Variants in TNN observed in about 807,000 individuals in gnomAD.
TNN encodes tenascin-N.
TNN carries 122 observed loss-of-function variants against 134.4 expected under a neutral mutation model. The ratio of observed to expected loss-of-function variants is 0.91; its 90% confidence interval spans 0.78 to 1.06. TNN has a LOEUF of 1.06. Ranked by LOEUF, TNN falls within the 50% of genes least tolerant of loss-of-function variation. The pLI is 0.00. For missense variants in TNN, 1,739 were observed against 1,699.4 expected (o/e 1.02, Z -0.41); for synonymous variants, 710 against 670.3 (o/e 1.06, Z -0.91).
intron 6 of TNN, among the ~76,000 whole-genome samples, chr1:175,091,086 A>G (rs1674434499): frequency 6.6e-6 from 1 of 152,256 alleles, no homozygotes; most frequent in African/African-American, 2.4e-5. Context: ...AAGAGGTTTC[A>G]GTCCTGCAAA....
chr1:175,102,683 C>T (rs1674758335), intron 9 of TNN, among the ~76,000 whole-genome samples: 1 of 146,010 alleles, frequency 6.8e-6, no homozygotes, highest in Non-Finnish European at 1.5e-5. Flanking sequence ...CGCGCCTCTC[C>T]CTCCACACCT....
chr1:175,106,606 G>A (rs531113455), intron 9 of TNN, among the ~76,000 whole-genome samples: 14 of 146,440 alleles, frequency 9.6e-5, no homozygotes, highest in African/African-American at 2.5e-4. Flanking sequence ...GAAGAGAGGC[G>A]AGAGGAAGTT....
chr1:175,117,230 T>C, intron 10 of TNN, 25 bp downstream of exon 10: 1 of 1,606,664 alleles, frequency 6.2e-7, no homozygotes, highest in Non-Finnish European at 8.5e-7. Context: ...TCTTTGGGAA[T>C]ATAAGAGCTT....
chr1:175,135,850 C>G lies in TNN; in HGVS notation c.3336C>G (p.Phe1112Leu). 2 of 1,613,498 alleles carry G rather than the reference C, an allele frequency of 1.2e-6. No individual in the cohort carries two copies. The highest frequency in any genetic ancestry group is 1.7e-6 in the Non-Finnish European group (2 of 1,179,508). Residue 1112 changes from phenylalanine (F) to leucine (L), a missense_variant, in exon 16 of 19, where the codon TTC becomes TTG. Phe to Leu is a conservative substitution (Grantham distance 22). Transcript: ENST00000239462. ...METDGGGWIV[F>L]QRRNTGQLDF... ...GTATTCATCTTCCTTCTCAGGTCTT[C>G]CAGAGGCGGAACACTGGGCAGCTGG...
chr1:175,132,796 T>C (rs1675708284), intron 15 of TNN, among the ~76,000 whole-genome samples: 1 of 152,216 alleles, frequency 6.6e-6, no homozygotes, highest in Non-Finnish European at 1.5e-5. Flanking sequence ...GGTGCCCCAC[T>C]CCTTGGCCAG....
intron 9 of TNN, 110 bp downstream of exon 9, chr1:175,098,705 G>A: frequency 6.7e-7 from 1 of 1,489,484 alleles, no homozygotes; most frequent in South Asian, 1.3e-5. Context: ...GAGCAGGTTG[G>A]TATCCTCCCA....
rs1673982988 is a variant in TNN, at chr1:175,074,139, C to T, written c.-35-3245C>T. On this transcript the variant is annotated intron_variant, in intron 1 of 18. Transcript: ENST00000239462. The stretch of plus-strand genomic sequence containing the variant: ...TTGCCTGCCACCCCCACTAATTCAC[C>T]GTGACCCCACCCCCAACCCCCAAAC... Among the ~76,000 whole-genome samples the T allele has an allele frequency of 2.0e-5, 3 of 152,052 alleles. No individual in the cohort carries two copies. The South Asian group carries it at 6.2e-4, about 32-fold the overall frequency.
chr1:175,121,669 GA>G (rs1675380148), intron 11 of TNN, among the ~76,000 whole-genome samples: 1 of 151,120 alleles, frequency 6.6e-6, no homozygotes, highest in East Asian at 1.9e-4. Context: ...GGACAGAGAA[GA>G]GGGGATGTCT....
intron 9 of TNN, among the ~76,000 whole-genome samples, chr1:175,108,604 T>C (rs75838939): frequency 1.3e-5 from 2 of 152,146 alleles, no homozygotes; most frequent in Non-Finnish European, 2.9e-5. Flanking sequence ...CCCTGCCCCG[T>C]GGGAAGGCAG....
chr1:175,130,047 G>T (rs1244769307), intron 15 of TNN, among the ~76,000 whole-genome samples: 1 of 152,200 alleles, frequency 6.6e-6, no homozygotes, highest in Non-Finnish European at 1.5e-5. Context: ...CCAATTATAT[G>T]ATAAGCTGTT....
intron 9 of TNN, among the ~76,000 whole-genome samples, chr1:175,102,491 G>C (rs142086429): frequency 0.028 from 4,094 of 145,892 alleles, 427 homozygotes; most frequent in African/African-American, 0.094. Context: ...CGCAGTGCCG[G>C]TGGGCTGGCA....
In TNN at chr1:175,077,457, C is replaced by A; in HGVS notation, c.39C>A (p.Leu13=). 1 of 1,613,896 alleles carries A rather than the reference C, an allele frequency of 6.2e-7. No individual in the cohort carries two copies. The highest frequency in any genetic ancestry group is 8.5e-7 in the Non-Finnish European group (1 of 1,180,010). ...AGATGTTCCGCTTCCCTATGGGGCT[C>A]CTGCTTGGCTCTGTGCTCCTGGTGG... ...LQEMFRFPMG[L]LLGSVLLVAS... is the part of the protein sequence containing the mutation. Residue 13 remains leucine, a synonymous_variant, in exon 2 of 19, where the codon CTC becomes CTA. Transcript: ENST00000239462.
At chr1:175,124,398 C>T (rs908491890) in intron 12 of TNN, among the ~76,000 whole-genome samples, 4 of 152,200 alleles carry the variant, frequency 2.6e-5, no homozygotes, top group Admixed American at 6.5e-5. Flanking sequence ...AAAACAAAAA[C>T]GGCCAGGCGC....
In TNN at chr1:175,102,481, C is replaced by T. The variant is rs546482321; in HGVS notation, c.2119+3886C>T. ...AGCTAAGGCTCGGCGAGAAATCGAG[C>T]GCAGTGCCGGTGGGCTGGCACTGCT... On this transcript the variant is annotated intron_variant, in intron 9 of 18. Coordinates refer to ENST00000239462, the MANE Select transcript of TNN (RefSeq NM_022093.2). Among the ~76,000 whole-genome samples, 182 of 145,974 alleles carry T rather than the reference C, an allele frequency of 1.2e-3. 8 individuals are homozygous for T. Among genetic ancestry groups the T allele is most frequent in the African/African-American group, 4.0e-3 (163 of 40,644 alleles).
intron 1 of TNN, among the ~76,000 whole-genome samples, chr1:175,076,624 A>G (rs1674044815): frequency 6.6e-6 from 1 of 152,238 alleles, no homozygotes; most frequent in African/African-American, 2.4e-5. Context: ...ACTGGTTCAC[A>G]AGTGAGTTTC....
chr1:175,143,883 A>T (rs1675996577), intron 17 of TNN, among the ~76,000 whole-genome samples: 1 of 152,094 alleles, frequency 6.6e-6, no homozygotes, highest in South Asian at 2.1e-4. Context: ...CAGACCCAGG[A>T]TGAGAGAAGG....
At chr1:175,125,179 A>C (rs914714015) in intron 12 of TNN, among the ~76,000 whole-genome samples, 1 of 152,256 alleles carries the variant, frequency 6.6e-6, no homozygotes, top group Non-Finnish European at 1.5e-5. Flanking sequence ...AAATTTGTCA[A>C]AACATCCTAA....
intron 2 of TNN, 73 bp downstream of exon 2, chr1:175,077,900 C>G: frequency 6.9e-7 from 1 of 1,455,312 alleles, no homozygotes. Context: ...TTTCCACTAG[C>G]CTCATGAGCA....
At chr1:175,146,290 C>T (rs1051171191) in intron 18 of TNN, among the ~76,000 whole-genome samples, 1 of 152,138 alleles carries the variant, frequency 6.6e-6, no homozygotes, top group African/African-American at 2.4e-5. Flanking sequence ...GCGCTTTTCA[C>T]AGTCTGCAAG....
Sources: allele counts gnomAD v4.1 joint callset (sites outside exome capture counted in the v4.1 genomes callset), GRCh38; gene constraint gnomAD v4.1.1; transcripts MANE v1.5; gene names NCBI Gene and HGNC (gene_info 2026-07-23, HGNC 2026-07-21).